LHPP: variants seen among roughly 807,000 people sequenced by gnomAD.
LHPP encodes the protein phospholysine phosphohistidine inorganic pyrophosphate phosphatase.
In LHPP, 24 loss-of-function variants were observed where a neutral mutation model predicts 30.3. The observed-to-expected ratio is 0.79, with a 90% CI of 0.57 to 1.11. The LOEUF (loss-of-function observed/expected upper bound fraction) is 1.11, where lower values mean the gene tolerates loss of function less well. LHPP is among the 50% of genes most tolerant of loss of function. The pLI, the probability that LHPP is intolerant of heterozygous loss-of-function variation, is 0.00. For missense variants in LHPP, 356 were observed against 367.2 expected (o/e 0.97, Z 0.25); for synonymous variants, 150 against 157.1 (o/e 0.95, Z 0.34).
At chr10:124,528,972 G>A (rs993800194) in intron 6 of LHPP, among the ~76,000 whole-genome samples, 1 of 150,562 alleles carries the variant, frequency 6.6e-6, no homozygotes, top group Non-Finnish European at 1.5e-5. Context: ...AAGAATAAGA[G>A]TTATTTTTTA....
intron 6 of LHPP, among the ~76,000 whole-genome samples, chr10:124,524,391 C>T (rs1010816473): frequency 1.3e-5 from 2 of 151,620 alleles, no homozygotes; most frequent in African/African-American, 4.9e-5. Context: ...ATTCTCCTGC[C>T]TCAGCCTCCC....
rs981768957 is a variant in LHPP at position 124,593,308 on chromosome 10, G to A, written c.717-19956G>A. Among the ~76,000 whole-genome samples, 3 of 151,094 alleles carry A rather than the reference G, an allele frequency of 2.0e-5. No individual in the cohort carries two copies. Among genetic ancestry groups the A allele is most frequent in the Non-Finnish European group, 4.4e-5 (3 of 67,596 alleles). The stretch of plus-strand genomic sequence containing the variant: ...CCCCATCTGCCCAGAACCAGGCTGC[G>A]CTCTCGGGAGGGAAACAGACTCTTA... On this transcript the variant is annotated intron_variant, in intron 6 of 6. Coordinates refer to ENST00000368842, the MANE Select transcript of LHPP (RefSeq NM_022126.4). The surrounding 1 kb of genome is among the most constrained non-coding windows in gnomAD (Gnocchi z 4.9).
intron 6 of LHPP, among the ~76,000 whole-genome samples, chr10:124,521,311 T>C (rs1954607421): frequency 6.6e-6 from 1 of 152,228 alleles, no homozygotes; most frequent in Non-Finnish European, 1.5e-5. Context: ...AGCCAGGCTC[T>C]ATGGAGCAGC....
At chr10:124,520,211 T>C (rs1173153215) in intron 6 of LHPP, among the ~76,000 whole-genome samples, 1 of 151,402 alleles carries the variant, frequency 6.6e-6, no homozygotes, top group Non-Finnish European at 1.5e-5. Flanking sequence ...ATCATGGGGG[T>C]TTATTGTACA....
intron 6 of LHPP, among the ~76,000 whole-genome samples, chr10:124,534,323 A>G (rs148262189): frequency 3.1e-3 from 471 of 152,356 alleles, no homozygotes; most frequent in African/African-American, 9.8e-3. Flanking sequence ...GCAGCAGGGC[A>G]GGTAGCTTGT....
intron 6 of LHPP, 87 bp from the exon 7 acceptor site, chr10:124,613,177 A>G: frequency 1.9e-6 from 2 of 1,045,950 alleles, no homozygotes; most frequent in Non-Finnish European, 3.0e-6. Context: ...AGCTAAGGCC[A>G]GGCCCATGTT....
intron 6 of LHPP, among the ~76,000 whole-genome samples, chr10:124,574,700 G>A (rs548507494): frequency 1.3e-5 from 2 of 152,312 alleles, no homozygotes; most frequent in East Asian, 1.9e-4. Flanking sequence ...CCAGAGGGGG[G>A]ATTTGTAGGG....
rs1013245241 is a variant in LHPP, at chr10:124,553,545, G to A, written c.716+36274G>A. On this transcript the variant is annotated intron_variant, in intron 6 of 6. Transcript: ENST00000368842. The stretch of plus-strand genomic sequence containing the variant: ...ACAATCTCAGCTCACTGCAAGCTCC[G>A]CCTCCCGGGTTCACGCCATTCTCCT... 3.9e-5 allele frequency among the ~76,000 whole-genome samples: 5 copies of A among 127,412 alleles called. No homozygotes were observed. In the East Asian group the frequency reaches 1.3e-3, roughly 34 times the overall value. 83.6% of individuals were successfully genotyped at this position (127,412 alleles called of 152,430 possible). A position where few individuals can be genotyped will look rare whatever the true frequency, so the allele number is the denominator to read the frequency against.
intron 6 of LHPP, among the ~76,000 whole-genome samples, chr10:124,539,412 C>T (rs558320004): frequency 1.6e-4 from 25 of 151,964 alleles, no homozygotes; most frequent in African/African-American, 6.0e-4. Flanking sequence ...ATTGCTTGAG[C>T]CCAGGAGTTT....
intron 6 of LHPP, among the ~76,000 whole-genome samples, chr10:124,609,748 C>T (rs1395185822): frequency 6.6e-6 from 1 of 152,200 alleles, no homozygotes; most frequent in African/African-American, 2.4e-5. Context: ...GTCAGTCCTG[C>T]TGTGTGTATT....
chr10:124,579,971 A>G (rs151244311), intron 6 of LHPP, among the ~76,000 whole-genome samples: 1 of 152,210 alleles, frequency 6.6e-6, no homozygotes. Flanking sequence ...TCTTAAGACT[A>G]TGATGGTATT....
rs1010542343 is a variant in LHPP at position 124,478,505 on chromosome 10, A to G, written c.126-5634A>G. Among the ~76,000 whole-genome samples the G allele has an allele frequency of 5.3e-5, 8 of 152,312 alleles. No individual in the cohort carries two copies. The highest frequency in any genetic ancestry group is 1.7e-4 in the African/African-American group (7 of 41,572). On this transcript the variant is annotated intron_variant, in intron 1 of 6. Transcript: ENST00000368842. This position sits in a 1 kb window ranked among gnomAD's most constrained non-coding sequence, Gnocchi z 4.7. ...CTCGGCGGTCCCCAGAGGGCTAGCT[A>G]TTGAGCTGTCCCAAGGTCACTCAGG...
intron 6 of LHPP, chr10:124,605,204 G>C (rs1455364087): frequency 6.6e-6 from 1 of 152,388 alleles, no homozygotes; most frequent in Non-Finnish European, 1.5e-5. Context: ...CCCTGCATTC[G>C]GCTGACAGAG....
chr10:124,508,571 GT>G (rs1292214471), intron 5 of LHPP, among the ~76,000 whole-genome samples: 1 of 148,094 alleles, frequency 6.8e-6, no homozygotes, highest in Non-Finnish European at 1.5e-5. Flanking sequence ...TTCCTTCAGA[GT>G]TTTTTCTCCC....
Position 124,462,001 on chromosome 10 carries a change from G to T in LHPP, c.125+14G>T. 1 of 1,208,832 alleles carries T rather than the reference G, an allele frequency of 8.3e-7. No homozygotes were observed. The highest frequency in any genetic ancestry group is 1.6e-5 in the African/African-American group (1 of 63,322). 74.9% of individuals were successfully genotyped at this position (1,208,832 alleles called of 1,614,324 possible). A position where few individuals can be genotyped will look rare whatever the true frequency, so the allele number is the denominator to read the frequency against. ...GGCGGTGGCCAGGTGAGTGGGCCCC[G>T]GGACGCCGCTGGGGCCGCCGAGCTC... On this transcript the variant is annotated intron_variant, in intron 1 of 6. Coordinates refer to ENST00000368842, the MANE Select transcript of LHPP (RefSeq NM_022126.4).
chr10:124,613,092 A>G (rs1055674131), intron 6 of LHPP, 172 bp from the exon 7 acceptor site: 17 of 642,818 alleles, frequency 2.6e-5, no homozygotes, highest in Non-Finnish European at 4.5e-5. Flanking sequence ...TGTGTGCCTG[A>G]GTAGGGCAGG....
At chr10:124,479,669 TG>T (rs1483781478) in intron 1 of LHPP, among the ~76,000 whole-genome samples, 1 of 152,232 alleles carries the variant, frequency 6.6e-6, no homozygotes. Flanking sequence ...GGGTGCTCTC[TG>T]GTGTCTCTTC....
At chr10:124,584,947 C>A (rs1007785777) in intron 6 of LHPP, among the ~76,000 whole-genome samples, 1 of 152,146 alleles carries the variant, frequency 6.6e-6, no homozygotes, top group African/African-American at 2.4e-5. Flanking sequence ...TTGTTTCATG[C>A]ACAAAATTAT....
intron 5 of LHPP, among the ~76,000 whole-genome samples, chr10:124,509,764 A>G (rs2100486): frequency 0.46 from 69,056 of 151,494 alleles, 16,737 homozygotes; most frequent in African/African-American, 0.62. Context: ...TGTGCACCCC[A>G]GAGCTGCAGT....
Sources: gnomAD v4.1 joint callset for allele counts (sites outside exome capture counted in the v4.1 genomes callset) on GRCh38, gnomAD v4.1.1 for gene constraint, Gnocchi (gnomAD v3.1) non-coding constraint, MANE v1.5 for transcripts, NCBI Gene and HGNC (gene_info 2026-07-23, HGNC 2026-07-21) for gene names.